Variants in CNTNAP2 observed in about 807,000 individuals in gnomAD.
CNTNAP2 encodes contactin associated protein 2.
CNTNAP2 carries 98 observed loss-of-function variants against 155.2 expected under a neutral mutation model. That is an observed-to-expected ratio of 0.63 (90% CI 0.54 to 0.75). The LOEUF (loss-of-function observed/expected upper bound fraction) is 0.75. Ranked by LOEUF, CNTNAP2 falls within the 30% of genes least tolerant of loss-of-function variation. CNTNAP2 has a pLI of 0.00. For synonymous variants in CNTNAP2, 651 were observed against 631.2 expected (o/e 1.03, Z -0.47); for missense variants, 1,727 against 1,688.1 (o/e 1.02, Z -0.40).
intron 1 of CNTNAP2, among the ~76,000 whole-genome samples, chr7:146,166,973 C>A (rs987208631): frequency 6.6e-6 from 1 of 152,174 alleles, no homozygotes; most frequent in African/African-American, 2.4e-5. Context: ...TGGAATGAAG[C>A]AGGCTTCCCA....
chr7:147,677,414 A>T, intron 13 of CNTNAP2, among the ~76,000 whole-genome samples: 1 of 150,390 alleles, frequency 6.6e-6, no homozygotes, highest in Non-Finnish European at 1.5e-5. Context: ...TTGGATATAA[A>T]CCCCTTATCA....
chr7:146,754,435 A>T (rs1268963841), intron 1 of CNTNAP2, among the ~76,000 whole-genome samples: 7 of 152,030 alleles, frequency 4.6e-5, no homozygotes, highest in African/African-American at 1.7e-4. Flanking sequence ...CTGGAAATAG[A>T]ACAAAAACAT....
intron 13 of CNTNAP2, among the ~76,000 whole-genome samples, chr7:147,790,269 A>G (rs779445789): frequency 6.6e-6 from 1 of 152,062 alleles, no homozygotes; most frequent in African/African-American, 2.4e-5. Context: ...CAACATATAT[A>G]TCACTATCCG....
At chr7:146,790,178 C>A (rs2129188808) in intron 2 of CNTNAP2, among the ~76,000 whole-genome samples, 1 of 152,146 alleles carries the variant, frequency 6.6e-6, no homozygotes, top group African/African-American at 2.4e-5. Context: ...CTCATTTGAC[C>A]AAATCTTTCA....
At chr7:147,408,576 C>T (rs1026875014) in intron 10 of CNTNAP2, among the ~76,000 whole-genome samples, 3 of 152,196 alleles carry the variant, frequency 2.0e-5, no homozygotes, top group Non-Finnish European at 2.9e-5. Flanking sequence ...CTGGCTAACA[C>T]GGTGAAACCC....
chr7:146,555,496 GTCTA>G (rs200118562), intron 1 of CNTNAP2, among the ~76,000 whole-genome samples: 14,104 of 52,132 alleles, frequency 0.27, 998 homozygotes, highest in East Asian at 0.43. Context: ...TCATCTGTCT[GTCTA>G]TCTATCTATC....
rs191152184 is a variant in CNTNAP2, at chr7:146,978,973, G to T, written c.403-64934G>T. 1.1e-4 allele frequency among the ~76,000 whole-genome samples: 17 copies of T among 151,984 alleles called. 1 individual carries two copies. Among genetic ancestry groups the T allele is most frequent in the Admixed American group, 6.6e-5 (1 of 15,260 alleles). The stretch of plus-strand genomic sequence containing the variant: ...GAGATTTTGAGTAAGGTTAATTTAT[G>T]GTTTAGCTATACCTCCTGTGGAAGT... On this transcript the variant is annotated intron_variant, in intron 3 of 23. Transcript: ENST00000361727.
chr7:147,005,395 A>T (rs193174011), intron 3 of CNTNAP2, among the ~76,000 whole-genome samples: 1 of 152,138 alleles, frequency 6.6e-6, no homozygotes, highest in African/African-American at 2.4e-5. Flanking sequence ...AGGAAAAATA[A>T]TTTTTTTCTC....
chr7:147,568,995 C>G (rs1373372883), intron 12 of CNTNAP2, among the ~76,000 whole-genome samples: 2 of 152,100 alleles, frequency 1.3e-5, no homozygotes, highest in African/African-American at 4.8e-5. Context: ...CATCTGTGCT[C>G]TAGTGCGTGA....
Position 147,478,169 on chromosome 7 carries a change from G to GGA in CNTNAP2, c.1671-7765_1671-7764insAG, listed in dbSNP as rs1563220208. On this transcript the variant is annotated intron_variant, in intron 10 of 23. Coordinates refer to ENST00000361727, the MANE Select transcript of CNTNAP2 (RefSeq NM_014141.6). Reference sequence around the variant, plus strand: ...CTTTCTTTCTTTTTTTTTGGGTGGTGGGGGAGGGAGTTTCGCTCTGTTGCC... The same window carrying GGA: ...CTTTCTTTCTTTTTTTTTGGGTGGTGGAGGGGAGGGAGTTTCGCTCTGTTGCC... Among the ~76,000 whole-genome samples, 7 of 147,656 alleles carry GGA rather than the reference G, an allele frequency of 4.7e-5. No homozygotes were observed. The South Asian group carries it at 6.5e-4, about 14-fold the overall frequency.
At chr7:146,878,321 T>G (rs538800198) in intron 3 of CNTNAP2, among the ~76,000 whole-genome samples, 1 of 152,106 alleles carries the variant, frequency 6.6e-6, no homozygotes, top group East Asian at 1.9e-4. Flanking sequence ...AAGAAAGTGA[T>G]GATGTATTAT....
intron 1 of CNTNAP2, among the ~76,000 whole-genome samples, chr7:146,330,022 T>TTC (rs1801157648): frequency 1.5e-5 from 2 of 136,202 alleles, no homozygotes; most frequent in Admixed American, 7.2e-5. Flanking sequence ...CTTTTTTTTT[T>TTC]TTTTTTTTTT....
At chr7:146,161,427 G>A (rs1798220399) in intron 1 of CNTNAP2, among the ~76,000 whole-genome samples, 1 of 151,326 alleles carries the variant, frequency 6.6e-6, no homozygotes, top group Non-Finnish European at 1.5e-5. Flanking sequence ...GTTTGCAGAT[G>A]TAAAATACCT....
intron 1 of CNTNAP2, among the ~76,000 whole-genome samples, chr7:146,732,291 T>G (rs1794397465): frequency 6.6e-6 from 1 of 152,168 alleles, no homozygotes; most frequent in African/African-American, 2.4e-5. Flanking sequence ...AAACTTGCAT[T>G]TCTCATTTCC....
intron 10 of CNTNAP2, among the ~76,000 whole-genome samples, chr7:147,481,957 A>G (rs1254035150): frequency 6.6e-6 from 1 of 152,174 alleles, no homozygotes; most frequent in African/African-American, 2.4e-5. Flanking sequence ...ATAGATACAA[A>G]TAATCTATAT....
chr7:147,006,186 C>A (rs573318241), intron 3 of CNTNAP2, among the ~76,000 whole-genome samples: 4 of 151,936 alleles, frequency 2.6e-5, no homozygotes, highest in African/African-American at 9.6e-5. Context: ...ACATCTTAGG[C>A]TCAAAAAAGA....
chr7:147,301,574 C>T (rs1214613778), intron 9 of CNTNAP2, among the ~76,000 whole-genome samples: 1 of 118,742 alleles, frequency 8.4e-6, no homozygotes, highest in Non-Finnish European at 1.6e-5. Context: ...AGTTATATAG[C>T]TCTCTCTCTC....
chr7:146,242,047 A>G (rs1371139961), intron 1 of CNTNAP2, among the ~76,000 whole-genome samples: 1 of 152,142 alleles, frequency 6.6e-6, no homozygotes, highest in Non-Finnish European at 1.5e-5. Flanking sequence ...TTGAGCTATA[A>G]AAAGAGTTCA....
intron 9 of CNTNAP2, among the ~76,000 whole-genome samples, chr7:147,308,210 T>C (rs967430208): frequency 1.3e-5 from 2 of 151,990 alleles, no homozygotes; most frequent in African/African-American, 2.4e-5. Flanking sequence ...ATCCAGCTGG[T>C]GTGTGCAGGG....
Sources: gnomAD v4.1 joint callset for allele counts (sites outside exome capture counted in the v4.1 genomes callset) on GRCh38, gnomAD v4.1.1 for gene constraint, MANE v1.5 for transcripts, NCBI Gene and HGNC (gene_info 2026-07-23, HGNC 2026-07-21) for gene names.